Variants in RP1L1 observed in about 807,000 individuals in gnomAD.
RP1L1 encodes the protein retinitis pigmentosa 1-like 1 protein.
Under a neutral mutation model 15.7 loss-of-function variants are expected in RP1L1, and 27 were observed. The ratio of observed to expected loss-of-function variants is 1.72; its 90% CI spans 1.27 to 2.38. RP1L1 has a LOEUF of 2.38. RP1L1 is among the 30% of genes most tolerant of loss of function. The probability of loss-of-function intolerance (pLI) is 0.00; values close to 1 mark genes in which losing one functional copy is unlikely to be tolerated. For synonymous variants in RP1L1, 1,813 were observed against 1,276.7 expected (o/e 1.42, Z -8.96); for missense variants, 4,798 against 3,075.9 (o/e 1.56, Z -13.24).
rs959139742 is a variant in RP1L1 at position 10,610,307 on chromosome 8, G to C, written c.3791C>G (p.Ala1264Gly). The change falls in exon 4 of 4, where the codon GCC becomes GGC. Residue 1264 changes from alanine to glycine, a missense_variant. Transcript: ENST00000382483. ...QQCCFPTFLN[A>G]RACACATNED... The stretch of plus-strand genomic sequence containing the variant: ...ATTGGTGGCACAAGCGCAGGCTCGG[G>C]CGTTCAAGAAGGTTGGGAAACAACA... 3 of 1,614,074 alleles carry C rather than the reference G, an allele frequency of 1.9e-6. No homozygotes were observed. The African/African-American group carries it at 4.0e-5, about 22-fold the overall frequency.
intron 1 of RP1L1, among the ~76,000 whole-genome samples, chr8:10,643,155 T>C (rs1271145287): frequency 6.6e-6 from 1 of 152,050 alleles, no homozygotes; most frequent in Admixed American, 6.6e-5. Context: ...TGGGAAAGCA[T>C]GGCAAGACGC....
chr8:10,621,812 T>G (rs1392838326), intron 2 of RP1L1: 2 of 482,466 alleles, frequency 4.1e-6, no homozygotes, highest in Admixed American at 4.3e-5. Flanking sequence ...GTCCTTGAAC[T>G]CAATAATCAT....
rs375859771 is a variant in RP1L1 at position 10,611,621 on chromosome 8, C to T, written c.2477G>A (p.Cys826Tyr). ...GAVGPHRSHC[C>Y]SQPGTQPAQE... Reference sequence around the variant, plus strand: ...GGCCGGCTGCGTCCCAGGCTGTGAGCAGCAGTGGCTTCGGTGGGGGCCCAC... The same window carrying T: ...GGCCGGCTGCGTCCCAGGCTGTGAGTAGCAGTGGCTTCGGTGGGGGCCCAC... Residue 826 changes from cysteine (C) to tyrosine (Y), a missense_variant, in exon 4 of 4, where the codon TGC becomes TAC. Transcript: ENST00000382483. 3.0e-5 allele frequency: 49 copies of T among 1,612,716 alleles called. No individual in the cohort carries two copies. The highest frequency in any genetic ancestry group is 4.0e-5 in the African/African-American group (3 of 74,946).
In RP1L1 at chr8:10,609,058, T is replaced by C; in HGVS notation, c.5040A>G (p.Arg1680=). The change falls in exon 4 of 4, where the codon AGA becomes AGG. Residue 1680 remains arginine, a synonymous_variant. Coordinates refer to ENST00000382483, the MANE Select transcript of RP1L1 (RefSeq NM_178857.6). ...MSPKATMGAT[R]GPIKEAFDLQ... is the part of the protein sequence containing the mutation. ...GGTCAAAGGCCTCTTTGATGGGACC[T>C]CTGGTTGCCCCCATTGTGGCCTTGG... is the stretch of plus-strand genomic sequence containing the variant. 1.9e-6 allele frequency: 3 copies of C among 1,613,804 alleles called. No individual in the cohort carries two copies. The highest frequency in any genetic ancestry group is 2.2e-5 in the South Asian group (2 of 91,056).
chr8:10,648,589 G>C (rs934005660), intron 1 of RP1L1, among the ~76,000 whole-genome samples: 4 of 152,108 alleles, frequency 2.6e-5, no homozygotes, highest in African/African-American at 9.7e-5. Context: ...AATGGGGCAG[G>C]TCTGGGAATG....
At position 10,608,607 on chromosome 8, in the gene RP1L1, C is replaced by T; in HGVS notation, c.5491G>A (p.Gly1831Arg). 6.2e-7 allele frequency: 1 copy of T among 1,614,232 alleles called. No homozygotes were observed. Among genetic ancestry groups the T allele is most frequent in the Non-Finnish European group, 8.5e-7 (1 of 1,180,052 alleles). ...TCCGGGGCCTCTATGCCTTCGGCCC[C>T]ATCACTCTGTCCTGGATCTTGGTCA... Reference protein sequence around the residue: ...GGDQDPGQSDGAEGIEAPEAE... With the variant: ...GGDQDPGQSDRAEGIEAPEAE... The change falls in exon 4 of 4, where the codon GGG becomes AGG. Residue 1831 changes from glycine (G) to arginine (R), a missense_variant. By Grantham distance (125) the Gly-to-Arg change is moderately radical. Transcript: ENST00000382483.
chr8:10,633,318 C>T (rs185210551), intron 1 of RP1L1, among the ~76,000 whole-genome samples: 28 of 152,336 alleles, frequency 1.8e-4, no homozygotes, highest in Middle Eastern at 6.8e-3. Flanking sequence ...TTGACCAAAT[C>T]CAACCCGAAA....
In RP1L1 at chr8:10,612,721, G is replaced by A. The variant is rs201173500; in HGVS notation, c.1377C>T (p.Thr459=). The A allele has an allele frequency of 1.1e-5, 18 of 1,605,280 alleles. No homozygotes were observed. Among genetic ancestry groups the A allele is most frequent in the African/African-American group, 5.3e-5 (4 of 74,866 alleles). Residue 459 remains threonine, a synonymous_variant, in exon 4 of 4, where the codon ACC becomes ACT. Coordinates refer to ENST00000382483, the MANE Select transcript of RP1L1 (RefSeq NM_178857.6). ...CTGGCTCCGAGCCCTCGGGGAGGCC[G>A]GTGCTGGAGGCTGGGCTGGCACTGT... is the stretch of plus-strand genomic sequence containing the variant. ...SQDSASPASS[T]GLPEGSEPES...
chr8:10,623,843 C>G (rs1392381287), intron 1 of RP1L1, among the ~76,000 whole-genome samples: 1 of 151,620 alleles, frequency 6.6e-6, no homozygotes, highest in East Asian at 1.9e-4. Context: ...TCAGCATCAT[C>G]ATGCCACTAA....
intron 2 of RP1L1, chr8:10,620,946 C>A (rs11785876): frequency 0.03 from 4,554 of 152,236 alleles, 73 homozygotes; most frequent in Middle Eastern, 0.071. Flanking sequence ...TAATCAGCTG[C>A]GGTGCTGGTG....
chr8:10,638,544 A>AT (rs1798363008), intron 1 of RP1L1, among the ~76,000 whole-genome samples: 1 of 152,124 alleles, frequency 6.6e-6, no homozygotes, highest in Non-Finnish European at 1.5e-5. Context: ...GGCAGTTCAA[A>AT]TGTAGCCTGG....
chr8:10,646,924 A>G (rs913965266), intron 1 of RP1L1, among the ~76,000 whole-genome samples: 1 of 151,968 alleles, frequency 6.6e-6, no homozygotes, highest in Non-Finnish European at 1.5e-5. Flanking sequence ...TCAAATGCCA[A>G]CCTCCCCCCC....
chr8:10,624,379 C>T (rs1203883481), intron 1 of RP1L1, among the ~76,000 whole-genome samples: 1 of 152,202 alleles, frequency 6.6e-6, no homozygotes, highest in East Asian at 1.9e-4. Context: ...TGTACATACA[C>T]ACACACTCAC....
At position 10,609,030 on chromosome 8, in the gene RP1L1, G is replaced by C; in HGVS notation, c.5068C>G (p.Gln1690Glu). Reference protein sequence around the residue: ...RGPIKEAFDLQQILQRKRGEH... With the variant: ...RGPIKEAFDLEQILQRKRGEH... Reference sequence around the variant, plus strand: ...CCCCTCTTCCTCTGCAGAATCTGCTGCAGGTCAAAGGCCTCTTTGATGGGA... The same window carrying C: ...CCCCTCTTCCTCTGCAGAATCTGCTCCAGGTCAAAGGCCTCTTTGATGGGA... The change falls in exon 4 of 4, where the codon CAG becomes GAG. Residue 1690 changes from glutamine to glutamate, a missense_variant. Gln to Glu is a conservative substitution (Grantham distance 29, BLOSUM62 2). Coordinates refer to ENST00000382483, the MANE Select transcript of RP1L1 (RefSeq NM_178857.6). 6.2e-7 allele frequency: 1 copy of C among 1,613,600 alleles called. No homozygotes were observed. Among genetic ancestry groups the C allele is most frequent in the African/African-American group, 1.3e-5 (1 of 75,052 alleles).
At position 10,609,740 on chromosome 8, in the gene RP1L1, G is replaced by C. The variant is rs1797793579; in HGVS notation, c.4358C>G (p.Pro1453Arg). 1.2e-6 allele frequency: 2 copies of C among 1,613,470 alleles called. No homozygotes were observed. The highest frequency in any genetic ancestry group is 2.2e-5 in the East Asian group (1 of 44,870). ...GTCCGTCTCGCTGAGATGACTAGGG[G>C]GCTCTGTGGGTTCCTCTGTGCCCTC... ...PAEGTEEPTE[P>R]PSHLSETDPS... The change falls in exon 4 of 4, where the codon CCC becomes CGC. Residue 1453 changes from proline (P) to arginine (R), a missense_variant. Transcript: ENST00000382483.
chr8:10,625,386 T>C (rs1000891978), intron 1 of RP1L1, among the ~76,000 whole-genome samples: 1 of 151,804 alleles, frequency 6.6e-6, no homozygotes, highest in Non-Finnish European at 1.5e-5. Context: ...GCCTTCGGGA[T>C]GCGAGGAAAT....
intron 2 of RP1L1, among the ~76,000 whole-genome samples, chr8:10,617,431 A>G (rs1394957888): frequency 6.7e-6 from 1 of 149,228 alleles, no homozygotes; most frequent in Non-Finnish European, 1.5e-5. Flanking sequence ...AGAAAAAAGA[A>G]GGAACATTAC....
In RP1L1 at chr8:10,611,607, T is replaced by A; in HGVS notation, c.2491A>T (p.Thr831Ser). The A allele has an allele frequency of 4.3e-6, 7 of 1,612,504 alleles. No homozygotes were observed. Among genetic ancestry groups the A allele is most frequent in the Non-Finnish European group, 5.9e-6 (7 of 1,179,684 alleles). The change falls in exon 4 of 4, where the codon ACG becomes TCG. Residue 831 changes from threonine to serine, a missense_variant. By Grantham distance (58) the Thr-to-Ser change is moderately conservative. Coordinates refer to ENST00000382483, the MANE Select transcript of RP1L1 (RefSeq NM_178857.6). ...CGCTGGGCCTCTTGGGCCGGCTGCG[T>A]CCCAGGCTGTGAGCAGCAGTGGCTT... ...HRSHCCSQPG[T>S]QPAQEAQRGP...
intron 1 of RP1L1, among the ~76,000 whole-genome samples, chr8:10,634,607 C>G (rs908534890): frequency 6.6e-6 from 1 of 152,196 alleles, no homozygotes; most frequent in Non-Finnish European, 1.5e-5. Flanking sequence ...CCTACTGGAA[C>G]TGCAGAAGGC....
Sources: gnomAD v4.1 joint callset for allele counts (sites outside exome capture counted in the v4.1 genomes callset) on GRCh38, gnomAD v4.1.1 for gene constraint, MANE v1.5 for transcripts, NCBI Gene and HGNC (gene_info 2026-07-23, HGNC 2026-07-21) for gene names.